Variants in NEB observed in about 807,000 individuals in gnomAD.
The protein encoded by NEB is nebulin.
NEB carries 512 observed loss-of-function variants against 952.2 expected under a neutral mutation model. That is an observed-to-expected ratio of 0.54 (90% CI 0.50 to 0.58). The LOEUF is 0.58. Among genes scored for constraint, NEB ranks in the 20% least tolerant of loss-of-function variants. The pLI, the probability that NEB is intolerant of heterozygous loss-of-function variation, is 0.00. For synonymous variants in NEB, 2,900 were observed against 3,149.8 expected, an observed-to-expected ratio of 0.92 and a Z score of 2.66; for missense variants, 8,428 against 9,231.1, an observed-to-expected ratio of 0.91 and a Z score of 3.56.
chr2:151,525,706 A>T (rs1174693814), intron 150 of NEB, among the ~76,000 whole-genome samples: 2 of 152,202 alleles, frequency 1.3e-5, no homozygotes, highest in Non-Finnish European at 2.9e-5. Flanking sequence ...TTCTGTTATT[A>T]ATAGGTTAGT....
chr2:151,509,094 C>T (rs907690550), intron 161 of NEB, among the ~76,000 whole-genome samples: 1 of 152,160 alleles, frequency 6.6e-6, no homozygotes, highest in African/African-American at 2.4e-5. Flanking sequence ...CTGTCTGTCT[C>T]TATGTACTTT....
Position 151,627,016 on chromosome 2 carries a change from G to T in NEB, c.10333C>A (p.Leu3445Ile). 6.2e-7 allele frequency: 1 copy of T among 1,613,924 alleles called. No individual in the cohort carries two copies. Among genetic ancestry groups the T allele is most frequent in the East Asian group, 2.2e-5 (1 of 44,882 alleles). The change falls in exon 70 of 182, where the codon CTC becomes ATC. Residue 3445 changes from leucine (L) to isoleucine (I), a missense_variant. Physicochemically the swap from Leu to Ile is conservative, Grantham distance 5. This residue lies in a region of NEB where 1,772 missense variants were observed against 1,960.3 expected (regional missense o/e 0.90). Transcript: ENST00000397345. ...LEQVLAKNNA[L>I]NMNKRLYTEA... Reference sequence around the variant, plus strand: ...TGGGGGCTCACCTTGTTCATATTGAGAGCATTGTTCTTGGCCAGCACCTGC... The same window carrying T: ...TGGGGGCTCACCTTGTTCATATTGATAGCATTGTTCTTGGCCAGCACCTGC...
At position 151,639,352 on chromosome 2, in the gene NEB, C is replaced by T. The variant is rs767867001; in HGVS notation, c.8922G>A (p.Lys2974=). The change falls in exon 63 of 182, where the codon AAG becomes AAA. Residue 2974 remains lysine, a synonymous_variant. Transcript: ENST00000397345. ...RLYTEAWDKD[K]TQIHIMPDTP... is the part of the protein sequence containing the mutation. Reference sequence around the variant, plus strand: ...TGTCTGGCATTATGTGGATCTGAGTCTTGTCTTTGTCCCAGGCTTCTGTGT... The same window carrying T: ...TGTCTGGCATTATGTGGATCTGAGTTTTGTCTTTGTCCCAGGCTTCTGTGT... The T allele has an allele frequency of 6.5e-6, 10 of 1,546,052 alleles. No individual in the cohort carries two copies. In the South Asian group the frequency reaches 1.1e-4, roughly 17 times the overall value.
rs1487262907 is a variant in NEB at position 151,694,539 on chromosome 2, T to C, written c.1765A>G (p.Thr589Ala). The C allele has an allele frequency of 2.5e-6, 4 of 1,613,318 alleles. No individual in the cohort carries two copies. The highest frequency in any genetic ancestry group is 1.1e-5 in the South Asian group (1 of 91,040). The change falls in exon 19 of 182, where the codon ACC (threonine) becomes GCC (alanine). Residue 589 changes from threonine (T) to alanine (A), a missense_variant. Physicochemically the swap from Thr to Ala is moderately conservative, Grantham distance 58. Around this residue, in one of 11 missense-constraint regions of NEB, gnomAD observed 2,851 missense variants for 2,791.5 expected, o/e 1.02. Coordinates refer to ENST00000397345, the MANE Select transcript of NEB (RefSeq NM_001164508.2). ...ACACTCACATCGCTGGTGTTCTTGG[T>C]GTTGGCTTTGGCTGCCAGCAGGGGA... Reference protein sequence around the residue: ...AIPLLAAKANTKNTSDVMYKK... With the variant: ...AIPLLAAKANAKNTSDVMYKK...
chr2:151,637,704 A>G (rs59655785), intron 63 of NEB, among the ~76,000 whole-genome samples: 40,752 of 152,066 alleles, frequency 0.27, 6,346 homozygotes, highest in East Asian at 0.42. Context: ...ACACAGGGGG[A>G]GCCCTTTGTT....
intron 181 of NEB, 148 bp from the exon 182 acceptor site, chr2:151,486,081 C>T: frequency 1.3e-6 from 1 of 776,836 alleles, no homozygotes. Context: ...TAAAAGGAAC[C>T]CACAAAATAG....
At chr2:151,531,943 G>T in intron 143 of NEB, 47 bp from the exon 144 acceptor site, 1 of 1,229,604 alleles carries the variant, frequency 8.1e-7, no homozygotes, top group Non-Finnish European at 1.2e-6. Flanking sequence ...TGTAGAGTGG[G>T]CTTTAAGGTA....
In NEB at chr2:151,499,354, T is replaced by G. The variant is rs144634228; in HGVS notation, c.24058A>C (p.Ile8020Leu). The G allele has an allele frequency of 1.4e-5, 22 of 1,547,100 alleles. No individual in the cohort carries two copies. Among genetic ancestry groups the G allele is most frequent in the Non-Finnish European group, 1.9e-5 (22 of 1,144,006 alleles). ...YKENVGKGIP[I>L]PITPEMERVK... ...CTCTCCATCTCTGGAGTGATGGGGA[T>G]TGGAATCCCTTTTCCAACGTTTTCT... Residue 8020 changes from isoleucine to leucine, a missense_variant, in exon 169 of 182, where the codon ATC becomes CTC. Physicochemically the swap from Ile to Leu is conservative, Grantham distance 5. Around this residue, in one of 11 missense-constraint regions of NEB, gnomAD observed 3,374 missense variants for 3,651.5 expected, o/e 0.92. Coordinates refer to ENST00000397345, the MANE Select transcript of NEB (RefSeq NM_001164508.2).
chr2:151,563,539 T>G, intron 119 of NEB, 67 bp downstream of exon 119: 8 of 1,383,478 alleles, frequency 5.8e-6, no homozygotes, highest in Non-Finnish European at 8.2e-6. Context: ...GGGCAAGTTA[T>G]AAACAGGCAG....
At chr2:151,610,971 T>G in intron 78 of NEB, 105 bp from the exon 79 acceptor site, 1 of 700,916 alleles carries the variant, frequency 1.4e-6, no homozygotes, top group Admixed American at 3.1e-5. Flanking sequence ...AACTCACATT[T>G]AACTATAAAA....
Position 151,691,720 on chromosome 2 carries a change from C to T in NEB, c.2211+144G>A, listed in dbSNP as rs60629492. The T allele has an allele frequency of 2.1e-3, 1,374 of 661,626 alleles. 12 individuals carry two copies. In the African/African-American group the frequency reaches 0.022, roughly 11 times the overall value. 41.0% of individuals were successfully genotyped at this position (661,626 alleles called of 1,614,324 possible). ...TCCTCAACATAATTGTTGTGTTCCC[C>T]GGTTCCACCCCAAAACCAAAATGTA... On this transcript the variant is annotated intron_variant, in intron 23 of 181. Coordinates refer to ENST00000397345, the MANE Select transcript of NEB (RefSeq NM_001164508.2).
intron 136 of NEB, among the ~76,000 whole-genome samples, chr2:151,541,215 C>G (rs1204556024): frequency 1.3e-5 from 2 of 152,188 alleles, no homozygotes; most frequent in Non-Finnish European, 2.9e-5. Context: ...CTCCAAAACA[C>G]AAGTTTTATA....
chr2:151,577,323 C>T (rs1354244315), intron 105 of NEB, among the ~76,000 whole-genome samples: 1 of 152,180 alleles, frequency 6.6e-6, no homozygotes, highest in African/African-American at 2.4e-5. Context: ...CCTGATCACA[C>T]AGCCTGTCTT....
intron 124 of NEB, among the ~76,000 whole-genome samples, chr2:151,556,780 C>T (rs1244130056): frequency 3.3e-4 from 7 of 21,144 alleles, no homozygotes. Flanking sequence ...TTAACACCTC[C>T]TGTCGACACT....
chr2:151,642,082 T>C (rs1240570134), intron 60 of NEB, among the ~76,000 whole-genome samples: 2 of 152,198 alleles, frequency 1.3e-5, no homozygotes, highest in Non-Finnish European at 2.9e-5. Context: ...TCTGTCCTTG[T>C]GACAGTGAGC....
intron 52 of NEB, 66 bp from the exon 53 acceptor site, chr2:151,650,951 T>C (rs1236127741): frequency 2.1e-6 from 3 of 1,402,528 alleles, no homozygotes; most frequent in Middle Eastern, 3.7e-4. Context: ...CTTGCTTTTT[T>C]TTCTTTTCTT....
chr2:151,536,741 G>C (rs1161898888), intron 141 of NEB, among the ~76,000 whole-genome samples: 1 of 152,154 alleles, frequency 6.6e-6, no homozygotes, highest in African/African-American at 2.4e-5. Context: ...GCTTTATGTT[G>C]TAAATAGGAA....
chr2:151,724,250 A>C lies in NEB; in HGVS notation c.612+10T>G, dbSNP rs1559642572. 1 of 1,603,826 alleles carries C rather than the reference A, an allele frequency of 6.2e-7. No homozygotes were observed. The highest frequency in any genetic ancestry group is 1.7e-5 in the Admixed American group (1 of 59,552). ...AGGAAGACAGAAGTGGCAATGGAGC[A>C]GACCCTTACCTTGCTGAACATGGCG... is the stretch of plus-strand genomic sequence containing the variant. On this transcript the variant is annotated intron_variant, in intron 8 of 181. Coordinates refer to ENST00000397345, the MANE Select transcript of NEB (RefSeq NM_001164508.2).
In NEB at chr2:151,538,123, A is replaced by G; in HGVS notation, c.20997+17T>C. The G allele has an allele frequency of 3.2e-6, 5 of 1,582,336 alleles. No homozygotes were observed. The highest frequency in any genetic ancestry group is 4.3e-6 in the Non-Finnish European group (5 of 1,152,940). ...AGTTGTAGAGCCCAACACAAGTAGA[A>G]ATATTTAGGGACATACTTTACTGAT... On this transcript the variant is annotated intron_variant, in intron 139 of 181. Coordinates refer to ENST00000397345, the MANE Select transcript of NEB (RefSeq NM_001164508.2).
Sources: allele counts gnomAD v4.1 joint callset (sites outside exome capture counted in the v4.1 genomes callset), GRCh38; gene constraint gnomAD v4.1.1; regional missense constraint gnomAD v4.1.1; transcripts MANE v1.5; gene names NCBI Gene and HGNC (gene_info 2026-07-23, HGNC 2026-07-21).